Variants in GAREM2 observed in about 807,000 individuals in gnomAD.
GAREM2 encodes GRB2-associated and regulator of MAPK protein 2.
A neutral mutation model predicts 55.6 loss-of-function variants in GAREM2; 30 were observed. The ratio of observed to expected loss-of-function variants is 0.54; its 90% CI spans 0.40 to 0.73. GAREM2 has a LOEUF of 0.73. GAREM2 is among the 30% of genes least tolerant of loss of function. GAREM2 has a pLI of 0.00. For synonymous variants in GAREM2, 550 were observed against 569.1 expected, an observed-to-expected ratio of 0.97 and a Z score of 0.48; for missense variants, 1,075 against 1,257.7, an observed-to-expected ratio of 0.85 and a Z score of 2.20.
At chr2:26,191,524 A>G (rs1172276448), downstream of GAREM2, 1 of 1,614,056 alleles carries the variant, frequency 6.2e-7, no homozygotes, top group Admixed American at 1.7e-5. Flanking sequence ...GACGGCTCCG[A>G]TGTCTCCCTC....
intron 3 of GAREM2, among the ~76,000 whole-genome samples, chr2:26,183,632 G>A (rs1049956570): frequency 6.6e-6 from 1 of 152,184 alleles, no homozygotes; most frequent in Non-Finnish European, 1.5e-5. Flanking sequence ...AGGCTGAGGC[G>A]GGAGGACTGT....
At chr2:26,178,383 G>A (rs1397828421) in intron 2 of GAREM2, among the ~76,000 whole-genome samples, 3 of 148,084 alleles carry the variant, frequency 2.0e-5, no homozygotes, top group Admixed American at 6.8e-5. Context: ...GCAACATAGC[G>A]AGAACAAACA....
the GAREM2 span, among the ~76,000 whole-genome samples, chr2:26,200,233 T>C: frequency 2.0e-5 from 3 of 152,336 alleles, no homozygotes; most frequent in East Asian, 5.8e-4. Flanking sequence ...ATATCCAGCA[T>C]GTTGCCAAGT....
At chr2:26,176,917 C>T (rs912481672) in intron 2 of GAREM2, among the ~76,000 whole-genome samples, 8 of 152,178 alleles carry the variant, frequency 5.3e-5, no homozygotes, top group Non-Finnish European at 8.8e-5. Flanking sequence ...CATGGCTGCA[C>T]CTCTCCGCGC....
Position 26,184,592 on chromosome 2 carries a change from A to G in GAREM2, c.744A>G (p.Gln248=). 1 of 1,548,530 alleles carries G rather than the reference A, an allele frequency of 6.5e-7. No homozygotes were observed. The highest frequency in any genetic ancestry group is 2.5e-5 in the East Asian group (1 of 40,742). ...GCAGCCCGCTGGAGCTGCAGATGCA[A>G]GAGGGCGAGCACACGGTGCGCGCCA... ...STRSPLELQM[Q]EGEHTVRAII... Residue 248 remains glutamine (Q), a synonymous_variant, in exon 4 of 6, where the codon CAA becomes CAG. Coordinates refer to ENST00000401533, the MANE Select transcript of GAREM2 (RefSeq NM_001168241.2).
downstream of GAREM2, among the ~76,000 whole-genome samples, chr2:26,192,589 C>T (rs183120048): frequency 6.2e-4 from 94 of 152,188 alleles, no homozygotes; most frequent in African/African-American, 2.1e-3. Flanking sequence ...AGTTTGAGAC[C>T]AGCCTGGCCA....
In GAREM2 at chr2:26,186,219, C is replaced by G; in HGVS notation, c.1459C>G (p.Pro487Ala). The change falls in exon 5 of 6, where the codon CCT becomes GCT. Residue 487 changes from proline to alanine, a missense_variant. Around this residue, in one of 6 missense-constraint regions of GAREM2, gnomAD observed 515 missense variants for 501.5 expected, o/e 1.03. Transcript: ENST00000401533. ...VKEECRLLNAPPVPPRGGNGS... is the reference protein window; with the variant it reads ...VKEECRLLNAAPVPPRGGNGS... Reference sequence around the variant, plus strand: ...GGAGGAGTGCCGCCTGCTCAATGCCCCTCCAGTGCCTCCCCGGGGTGGCAA... The same window carrying G: ...GGAGGAGTGCCGCCTGCTCAATGCCGCTCCAGTGCCTCCCCGGGGTGGCAA... 6.5e-7 allele frequency: 1 copy of G among 1,539,352 alleles called. No individual in the cohort carries two copies.
chr2:26,201,311 GTCAT>G, the GAREM2 span: 1 of 1,606,994 alleles, frequency 6.2e-7, no homozygotes, highest in Non-Finnish European at 8.5e-7. Context: ...TCTTCACTTT[GTCAT>G]TCAATCTAGA....
chr2:26,201,142 T>C, the GAREM2 span: 12 of 1,606,856 alleles, frequency 7.5e-6, no homozygotes, highest in Admixed American at 1.8e-4. Context: ...AACAGCCCCT[T>C]GCTTACCGCT....
At chr2:26,182,203 C>A (rs1230193724) in intron 2 of GAREM2, 3 of 1,365,058 alleles carry the variant, frequency 2.2e-6, no homozygotes, top group Admixed American at 3.2e-5. Context: ...GACTGGCAAT[C>A]ACTTCCGTAA....
In GAREM2 at chr2:26,187,708, A is replaced by G. The variant is rs527939548; in HGVS notation, c.2076A>G (p.Glu692=). 9.7e-5 allele frequency: 144 copies of G among 1,482,968 alleles called. No homozygotes were observed. In the African/African-American group the frequency reaches 1.9e-3, roughly 19 times the overall value. The allele number at this position is 1,482,968 out of a possible 1,614,324, so 91.9% of individuals were successfully genotyped here. Residue 692 remains glutamate, a synonymous_variant, in exon 6 of 6, where the codon GAA becomes GAG. Coordinates refer to ENST00000401533, the MANE Select transcript of GAREM2 (RefSeq NM_001168241.2). ...SCAPSSSSSS[E]WQEPVLEPFD... ...CCCCCTCCTCCTCCTCTTCTTCTGA[A>G]TGGCAGGAACCAGTCCTGGAGCCCT...
At chr2:26,198,380 G>GTT in the GAREM2 span, among the ~76,000 whole-genome samples, 1 of 117,418 alleles carries the variant, frequency 8.5e-6, no homozygotes. Flanking sequence ...TTTTTTTTTT[G>GTT]TTTTTTTTTT....
chr2:26,200,421 G>A, the GAREM2 span, among the ~76,000 whole-genome samples: 2 of 152,172 alleles, frequency 1.3e-5, no homozygotes, highest in African/African-American at 2.4e-5. Flanking sequence ...ATCTCAAGAA[G>A]TGCCTATGGA....
intron 2 of GAREM2, 55 bp downstream of exon 2, chr2:26,176,539 G>A (rs755174696): frequency 5.0e-6 from 7 of 1,413,510 alleles, no homozygotes; most frequent in Admixed American, 5.1e-5. Context: ...TAGGCAGGAG[G>A]GACTGGGGCC....
In GAREM2 at chr2:26,173,136, G is replaced by A. The variant is rs1168058892; in HGVS notation, c.-85G>A. On this transcript the variant is annotated 5_prime_UTR_variant, in exon 1 of 6. Transcript: ENST00000401533. ...AGGCGGCGAGCGCCGCGGCGGCCCC[G>A]GGAGGTGGCGGCGGGCGCGAGAGCC... The A allele has an allele frequency of 7.1e-6, 2 of 283,326 alleles. No individual in the cohort carries two copies. Among genetic ancestry groups the A allele is most frequent in the East Asian group, 2.8e-4 (2 of 7,030 alleles). The allele number at this position is 283,326 out of a possible 1,614,324, so 17.6% of individuals were successfully genotyped here. A position where few individuals can be genotyped will look rare whatever the true frequency, so the allele number is the denominator to read the frequency against.
chr2:26,195,206 G>C, the GAREM2 span: 1 of 1,612,734 alleles, frequency 6.2e-7, no homozygotes, highest in Non-Finnish European at 8.5e-7. Context: ...TCTTGTCCAC[G>C]GGAGAGAAGT....
At position 26,185,040 on chromosome 2, in the gene GAREM2, G is replaced by C. The variant is rs1228008286; in HGVS notation, c.1192G>C (p.Ala398Pro). 29 of 1,192,756 alleles carry C rather than the reference G, an allele frequency of 2.4e-5. No homozygotes were observed. The highest frequency in any genetic ancestry group is 2.8e-5 in the Non-Finnish European group (27 of 962,698). 73.9% of individuals were successfully genotyped at this position (1,192,756 alleles called of 1,614,324 possible). The change falls in exon 4 of 6, where the codon GCG (alanine) becomes CCG (proline). Residue 398 changes from alanine (A) to proline (P), a missense_variant. This residue lies in a region of GAREM2 where 515 missense variants were observed against 501.5 expected (regional missense o/e 1.03). Transcript: ENST00000401533. ...PGLARAPGPL[A>P]PAPAGEGDQE... Reference sequence around the variant, plus strand: ...GCTCGCCCGCGCCCCCGGCCCGCTAGCGCCGGCTCCCGCCGGCGAGGGCGA... The same window carrying C: ...GCTCGCCCGCGCCCCCGGCCCGCTACCGCCGGCTCCCGCCGGCGAGGGCGA...
chr2:26,173,122 G>A lies in GAREM2; in HGVS notation c.-99G>A. 4.8e-6 allele frequency: 1 copy of A among 207,520 alleles called. No individual in the cohort carries two copies. The highest frequency in any genetic ancestry group is 8.2e-6 in the Non-Finnish European group (1 of 121,426). The allele number at this position is 207,520 out of a possible 1,614,324, so 12.9% of individuals were successfully genotyped here. ...CCGGCGGGGCTGCCAGGCGGCGAGCGCCGCGGCGGCCCCGGGAGGTGGCGG... is the reference window on the plus strand; with the variant it reads ...CCGGCGGGGCTGCCAGGCGGCGAGCACCGCGGCGGCCCCGGGAGGTGGCGG... On this transcript the variant is annotated 5_prime_UTR_variant, in exon 1 of 6. Transcript: ENST00000401533.
At position 26,189,384 on chromosome 2, in the gene GAREM2, G is replaced by C. The variant is rs1669417583; in HGVS notation, c.*1127G>C. On this transcript the variant is annotated 3_prime_UTR_variant, in exon 6 of 6. Coordinates refer to ENST00000401533, the MANE Select transcript of GAREM2 (RefSeq NM_001168241.2). ...CCATCCGTGTCCTCCATCTCACCCA[G>C]AACCACAGGGTGCCCACTAGTGTCA... The C allele has an allele frequency of 6.6e-6, 1 of 152,170 alleles. No homozygotes were observed. Among genetic ancestry groups the C allele is most frequent in the Non-Finnish European group, 1.5e-5 (1 of 68,048 alleles). 9.4% of individuals were successfully genotyped at this position (152,170 alleles called of 1,614,324 possible).
Sources: gnomAD v4.1 joint callset for allele counts (sites outside exome capture counted in the v4.1 genomes callset) on GRCh38, gnomAD v4.1.1 for gene constraint, gnomAD v4.1.1 regional missense constraint, MANE v1.5 for transcripts, NCBI Gene and HGNC (gene_info 2026-07-23, HGNC 2026-07-21) for gene names.